Variants in GALNT2 observed in about 807,000 individuals in gnomAD.
GALNT2 encodes the protein UDP-GalNAc:polypeptide N-acetylgalactosaminyltransferase 2.
A neutral mutation model predicts 81.4 loss-of-function variants in GALNT2; 31 were observed. The observed-to-expected ratio is 0.38, with a 90% CI of 0.29 to 0.51. The LOEUF (loss-of-function observed/expected upper bound fraction) is 0.51, where lower values mean the gene tolerates loss of function less well. Among genes scored for constraint, GALNT2 ranks in the 20% least tolerant of loss-of-function variants. GALNT2 has a pLI of 0.87. For synonymous variants in GALNT2, 303 were observed against 287.4 expected, an observed-to-expected ratio of 1.05 and a Z score of -0.55; for missense variants, 629 against 765.7, an observed-to-expected ratio of 0.82 and a Z score of 2.11.
At chr1:230,176,617 C>T (rs1041623946) in intron 1 of GALNT2, among the ~76,000 whole-genome samples, 1 of 152,196 alleles carries the variant, frequency 6.6e-6, no homozygotes, top group Admixed American at 6.5e-5. Context: ...TCACATGTAT[C>T]TCCTTACTTT....
At chr1:230,277,591 C>A (rs1212639787) in intron 15 of GALNT2, among the ~76,000 whole-genome samples, 3 of 152,186 alleles carry the variant, frequency 2.0e-5, no homozygotes, top group South Asian at 2.1e-4. Context: ...CAAAAGCCTC[C>A]CCGGCTCCTC....
chr1:230,143,276 CAG>C (rs1661806550), intron 1 of GALNT2, among the ~76,000 whole-genome samples: 1 of 152,188 alleles, frequency 6.6e-6, no homozygotes, highest in South Asian at 2.1e-4. Context: ...TGTGAAAAAT[CAG>C]GGGAATCCGC....
At chr1:230,155,094 CG>C (rs1050617527) in intron 1 of GALNT2, among the ~76,000 whole-genome samples, 3 of 152,150 alleles carry the variant, frequency 2.0e-5, no homozygotes, top group African/African-American at 7.2e-5. Flanking sequence ...GGCTGCCCCG[CG>C]CCGCATGCAC....
At chr1:230,147,503 T>C (rs2102831489) in intron 1 of GALNT2, among the ~76,000 whole-genome samples, 1 of 152,354 alleles carries the variant, frequency 6.6e-6, no homozygotes, top group South Asian at 2.1e-4. Flanking sequence ...CTTGAAAGCA[T>C]GGCCTGCTCT....
At position 230,101,355 on chromosome 1, in the gene GALNT2, C is replaced by T. The variant is rs568364714; in HGVS notation, c.126+33949C>T. 9.4e-4 allele frequency among the ~76,000 whole-genome samples: 143 copies of T among 152,330 alleles called. 1 individual carries two copies. The highest frequency in any genetic ancestry group is 3.2e-3 in the African/African-American group (133 of 41,560). On this transcript the variant is annotated intron_variant, in intron 1 of 15. Coordinates refer to ENST00000366672, the MANE Select transcript of GALNT2 (RefSeq NM_004481.5). ...CCCACCGCCAGTCCTTTTCTTCCTT[C>T]AAGGGGACAGGGCCTCTGGAGCTTA...
chr1:230,194,823 T>C (rs747062655), intron 2 of GALNT2, among the ~76,000 whole-genome samples: 1 of 152,214 alleles, frequency 6.6e-6, no homozygotes. Flanking sequence ...TGGGCCCCCA[T>C]CCACCATAGA....
intron 2 of GALNT2, among the ~76,000 whole-genome samples, chr1:230,188,585 A>G (rs1223922019): frequency 1.3e-5 from 2 of 152,090 alleles, no homozygotes; most frequent in Admixed American, 6.6e-5. Flanking sequence ...TTTAATCTCT[A>G]TTCTCAGATT....
chr1:230,138,063 G>A (rs555824845), intron 1 of GALNT2, among the ~76,000 whole-genome samples: 70 of 152,218 alleles, frequency 4.6e-4, no homozygotes, highest in Non-Finnish European at 6.3e-4. Flanking sequence ...CGTTGCGTGC[G>A]TCTTTTCCAG....
At chr1:230,220,976 G>T (rs778827352) in intron 3 of GALNT2, among the ~76,000 whole-genome samples, 5 of 152,072 alleles carry the variant, frequency 3.3e-5, no homozygotes, top group South Asian at 2.1e-4. Context: ...CTCAAAACTG[G>T]TTTTTTCTTT....
intron 3 of GALNT2, among the ~76,000 whole-genome samples, chr1:230,231,759 G>A (rs990719329): frequency 6.6e-6 from 1 of 152,104 alleles, no homozygotes; most frequent in East Asian, 1.9e-4. Context: ...AGTTTTTAAA[G>A]CCTCCATTTT....
intron 6 of GALNT2, among the ~76,000 whole-genome samples, chr1:230,238,618 G>T (rs1665103335): frequency 6.6e-6 from 1 of 152,182 alleles, no homozygotes; most frequent in Non-Finnish European, 1.5e-5. Flanking sequence ...TGCATTTGTG[G>T]AGATAGTCAA....
chr1:230,263,056 T>A, intron 13 of GALNT2, 51 bp downstream of exon 13: 1 of 1,467,838 alleles, frequency 6.8e-7, no homozygotes, highest in Non-Finnish European at 9.5e-7. Context: ...TAGAAGCCAG[T>A]AAGGCCATAG....
chr1:230,097,347 C>T (rs1005241097), intron 1 of GALNT2, among the ~76,000 whole-genome samples: 36 of 152,268 alleles, frequency 2.4e-4, no homozygotes, highest in African/African-American at 7.9e-4. Context: ...CGTACATCCA[C>T]GGAGCTCTTT....
intron 1 of GALNT2, among the ~76,000 whole-genome samples, chr1:230,171,839 G>A (rs1441888827): frequency 6.6e-6 from 1 of 152,088 alleles, no homozygotes; most frequent in African/African-American, 2.4e-5. Flanking sequence ...ACATGGGTAA[G>A]ACATCAGCGT....
chr1:230,241,726 C>A (rs1290717009), intron 6 of GALNT2, among the ~76,000 whole-genome samples: 3 of 152,160 alleles, frequency 2.0e-5, no homozygotes, highest in South Asian at 4.1e-4. Context: ...GGATTACAGG[C>A]GTGAGCCACC....
At chr1:230,162,010 T>C (rs571602198) in intron 1 of GALNT2, among the ~76,000 whole-genome samples, 1 of 152,146 alleles carries the variant, frequency 6.6e-6, no homozygotes, top group Non-Finnish European at 1.5e-5. Flanking sequence ...AAAGTAAGAC[T>C]AACCAGCAAA....
intron 1 of GALNT2, 52 bp from the exon 2 acceptor site, chr1:230,178,166 G>A: frequency 7.1e-7 from 1 of 1,408,254 alleles, no homozygotes; most frequent in South Asian, 1.2e-5. Context: ...ACTGATGAAT[G>A]AAGGTGTGCT....
At chr1:230,232,608 G>A (rs748600800) in intron 3 of GALNT2, among the ~76,000 whole-genome samples, 2 of 152,146 alleles carry the variant, frequency 1.3e-5, no homozygotes, top group Admixed American at 6.5e-5. Flanking sequence ...AGCAATTCCC[G>A]CTGTGTTAAG....
chr1:230,148,789 A>ACG (rs1662003489), intron 1 of GALNT2, among the ~76,000 whole-genome samples: 1 of 151,706 alleles, frequency 6.6e-6, no homozygotes, highest in Non-Finnish European at 1.5e-5. Context: ...GTTTCGCTCT[A>ACG]TTGCCCAGGC....
Sources: allele counts gnomAD v4.1 joint callset (sites outside exome capture counted in the v4.1 genomes callset), GRCh38; gene constraint gnomAD v4.1.1; transcripts MANE v1.5; gene names NCBI Gene and HGNC (gene_info 2026-07-23, HGNC 2026-07-21).